Variants in TOM1L2 observed in about 807,000 individuals in gnomAD.
TOM1L2 encodes the protein TOM1-like protein 2.
A neutral mutation model predicts 67.9 loss-of-function variants in TOM1L2; 31 were observed. That is an observed-to-expected ratio of 0.46 (90% CI 0.34 to 0.62). The LOEUF (loss-of-function observed/expected upper bound fraction) is 0.62. Ranked by LOEUF, TOM1L2 falls within the 20% of genes least tolerant of loss-of-function variation. TOM1L2 has a pLI of 0.01. For missense variants in TOM1L2, 606 were observed against 663.5 expected, an observed-to-expected ratio of 0.91 and a Z score of 0.95; for synonymous variants, 256 against 254.0, an observed-to-expected ratio of 1.01 and a Z score of -0.07.
chr17:17,873,647 C>T (rs567692582), intron 7 of TOM1L2, among the ~76,000 whole-genome samples: 55 of 152,366 alleles, frequency 3.6e-4, no homozygotes, highest in Non-Finnish European at 6.3e-4. Context: ...ATGTCAGTCT[C>T]CTCAACAGAG....
chr17:17,957,995 C>T (rs1366283592), intron 1 of TOM1L2, among the ~76,000 whole-genome samples: 1 of 151,100 alleles, frequency 6.6e-6, no homozygotes, highest in Non-Finnish European at 1.5e-5. Flanking sequence ...CAGGCTGAGG[C>T]AGGAGAATGG....
intron 12 of TOM1L2, among the ~76,000 whole-genome samples, chr17:17,856,965 T>G (rs1271201261): frequency 2.6e-5 from 4 of 152,264 alleles, no homozygotes; most frequent in Non-Finnish European, 5.9e-5. Flanking sequence ...TTTATTTTTT[T>G]ATTTTTTTGA....
chr17:17,947,910 T>A (rs114269263), intron 1 of TOM1L2, among the ~76,000 whole-genome samples: 2,045 of 152,322 alleles, frequency 0.013, 44 homozygotes, highest in African/African-American at 0.046. Flanking sequence ...TATTTTTTTT[T>A]AAATATATAC....
In TOM1L2 at chr17:17,885,221, G is replaced by A. The variant is rs974644410; in HGVS notation, c.367-453C>T. Among the ~76,000 whole-genome samples, 9 of 152,232 alleles carry A rather than the reference G, an allele frequency of 5.9e-5. No homozygotes were observed. The East Asian group carries it at 7.7e-4, about 13-fold the overall frequency. Reference sequence around the variant, plus strand: ...GCTTCTACTGGTGGAGTTGGGAACCGGCAACAAATTGAGCAGAAAGGAAAG... The same window carrying A: ...GCTTCTACTGGTGGAGTTGGGAACCAGCAACAAATTGAGCAGAAAGGAAAG... On this transcript the variant is annotated intron_variant, in intron 4 of 14. Coordinates refer to ENST00000379504, the MANE Select transcript of TOM1L2 (RefSeq NM_001082968.2).
intron 1 of TOM1L2, among the ~76,000 whole-genome samples, chr17:17,938,814 C>T (rs910423669): frequency 1.3e-5 from 2 of 150,628 alleles, no homozygotes; most frequent in African/African-American, 2.4e-5. Flanking sequence ...CTAAAGTGAC[C>T]GCCCCACCTT....
chr17:17,873,706 C>T (rs1226845293), intron 7 of TOM1L2, among the ~76,000 whole-genome samples: 1 of 152,212 alleles, frequency 6.6e-6, no homozygotes, highest in African/African-American at 2.4e-5. Context: ...CAGCAAGTAG[C>T]CTGTGACTGG....
rs115170028 is a variant in TOM1L2, at chr17:17,860,877, C to T, written c.1278+599G>A. The stretch of plus-strand genomic sequence containing the variant: ...TCCCTCCACTTCACTGTGCCGCACC[C>T]CCTCACCGCCACAGGACACCCTCCC... On this transcript the variant is annotated intron_variant, in intron 12 of 14. Coordinates refer to ENST00000379504, the MANE Select transcript of TOM1L2 (RefSeq NM_001082968.2). Among the ~76,000 whole-genome samples the T allele has an allele frequency of 3.6e-3, 546 of 152,326 alleles. 5 individuals are homozygous for T. The highest frequency in any genetic ancestry group is 0.012 in the African/African-American group (515 of 41,558).
intron 1 of TOM1L2, among the ~76,000 whole-genome samples, chr17:17,915,272 G>A (rs530329016): frequency 2.6e-5 from 4 of 152,290 alleles, no homozygotes; most frequent in Non-Finnish European, 5.9e-5. Context: ...CTCAGGCTTT[G>A]CTAGCAGGTG....
At chr17:17,882,315 C>A (rs942180625) in intron 6 of TOM1L2, among the ~76,000 whole-genome samples, 1 of 152,226 alleles carries the variant, frequency 6.6e-6, no homozygotes, top group Non-Finnish European at 1.5e-5. Flanking sequence ...CCTACATATG[C>A]GCCTGCTCTC....
At chr17:17,934,037 A>C (rs1243056446) in intron 1 of TOM1L2, among the ~76,000 whole-genome samples, 2 of 152,228 alleles carry the variant, frequency 1.3e-5, no homozygotes, top group Non-Finnish European at 2.9e-5. Context: ...AGGAAAAAAA[A>C]ATCTGAGTAG....
chr17:17,888,708 G>A (rs2038116193), intron 4 of TOM1L2, among the ~76,000 whole-genome samples: 1 of 152,198 alleles, frequency 6.6e-6, no homozygotes, highest in South Asian at 2.1e-4. Context: ...CTATTGCTGG[G>A]GCATGGGGAG....
intron 3 of TOM1L2, among the ~76,000 whole-genome samples, chr17:17,897,235 A>G (rs2038622547): frequency 1.3e-5 from 2 of 152,282 alleles, no homozygotes; most frequent in South Asian, 4.1e-4. Flanking sequence ...TTTGGGCATC[A>G]CTCCTGGTTT....
intron 1 of TOM1L2, among the ~76,000 whole-genome samples, chr17:17,961,946 T>G (rs2041697278): frequency 6.6e-6 from 1 of 151,150 alleles, no homozygotes. Context: ...TTATTTACAA[T>G]AGCCAAAAAG....
At chr17:17,855,962 G>GA (rs5819629) in intron 12 of TOM1L2, among the ~76,000 whole-genome samples, 2,484 of 144,706 alleles carry the variant, frequency 0.017, 35 homozygotes, top group African/African-American at 0.054. Context: ...TTGTTGTAAA[G>GA]AAAAAAAAAA....
intron 7 of TOM1L2, among the ~76,000 whole-genome samples, chr17:17,871,319 C>T (rs1459190017): frequency 2.0e-5 from 3 of 151,938 alleles, no homozygotes; most frequent in South Asian, 2.1e-4. Flanking sequence ...TGCAGTGAGC[C>T]GAGATCACGC....
In TOM1L2 at chr17:17,945,290, A is replaced by ACT. The variant is rs945614441; in HGVS notation, c.52+26970_52+26971dup. ...CATACACACACACACACACACACACACTCTCTCTCTCTCTCTCTCTCATTC... is the reference window on the plus strand; with the variant it reads ...CATACACACACACACACACACACACACTCTCTCTCTCTCTCTCTCTCTCATTC... On this transcript the variant is annotated intron_variant, in intron 1 of 14. Coordinates refer to ENST00000379504, the MANE Select transcript of TOM1L2 (RefSeq NM_001082968.2). 4.5e-3 allele frequency among the ~76,000 whole-genome samples: 663 copies of ACT among 146,498 alleles called. 7 individuals carry two copies. Among genetic ancestry groups the ACT allele is most frequent in the African/African-American group, 0.013 (499 of 39,298 alleles).
chr17:17,879,576 A>T, intron 7 of TOM1L2, 51 bp downstream of exon 7: 1 of 1,421,780 alleles, frequency 7.0e-7, no homozygotes, highest in Non-Finnish European at 1.0e-6. Context: ...CCAACAGTGT[A>T]CGGTGGAAGA....
intron 3 of TOM1L2, among the ~76,000 whole-genome samples, chr17:17,894,934 A>AACAC (rs754460667): frequency 2.1e-5 from 3 of 143,704 alleles, no homozygotes; most frequent in African/African-American, 7.6e-5. Context: ...CTGTCTCAAA[A>AACAC]ACATACATAC....
At chr17:17,900,725 A>G (rs993345973) in intron 2 of TOM1L2, among the ~76,000 whole-genome samples, 3 of 152,176 alleles carry the variant, frequency 2.0e-5, no homozygotes, top group African/African-American at 4.8e-5. Context: ...AAGGCCAAGT[A>G]TGTCTGCAGT....
Sources: allele counts gnomAD v4.1 joint callset (sites outside exome capture counted in the v4.1 genomes callset), GRCh38; gene constraint gnomAD v4.1.1; transcripts MANE v1.5; gene names NCBI Gene and HGNC (gene_info 2026-07-23, HGNC 2026-07-21).